The following COL22A1 variants were observed in gnomAD, a reference collection of about 807,000 sequenced individuals.
COL22A1 encodes the protein collagen type XXII alpha 1 chain.
COL22A1 carries 221 observed loss-of-function variants against 248.9 expected under a neutral mutation model. That is an observed-to-expected ratio of 0.89 (90% CI 0.80 to 0.99). COL22A1 has a LOEUF of 0.99. COL22A1 is among the 50% of genes least tolerant of loss of function. The probability of loss-of-function intolerance (pLI) is 0.00; values close to 1 mark genes in which losing one functional copy is unlikely to be tolerated. For synonymous variants in COL22A1, 891 were observed against 793.4 expected (o/e 1.12, Z -2.07); for missense variants, 2,240 against 2,179.0 (o/e 1.03, Z -0.56).
intron 12 of COL22A1, among the ~76,000 whole-genome samples, chr8:138,793,263 AC>A (rs1393490680): frequency 6.6e-6 from 1 of 152,152 alleles, no homozygotes; most frequent in Non-Finnish European, 1.5e-5. Flanking sequence ...TGCATGAGTC[AC>A]GAGTGGCCTT....
At chr8:138,847,737 G>A (rs531448098) in intron 3 of COL22A1, among the ~76,000 whole-genome samples, 1 of 151,656 alleles carries the variant, frequency 6.6e-6, no homozygotes, top group Non-Finnish European at 1.5e-5. Flanking sequence ...TTGGGGGACT[G>A]TCTAGGAGAA....
At chr8:138,715,606 C>G in intron 30 of COL22A1, 76 bp downstream of exon 30, 3 of 758,286 alleles carry the variant, frequency 4.0e-6, no homozygotes, top group Non-Finnish European at 4.4e-6. Flanking sequence ...AGAGTATATT[C>G]TGCAGAAAAT....
intron 41 of COL22A1, among the ~76,000 whole-genome samples, chr8:138,670,961 A>AG (rs1824972883): frequency 1.3e-4 from 1 of 7,510 alleles, no homozygotes; most frequent in South Asian, 2.9e-3. Context: ...ACCTTGTCTC[A>AG]AAAAAAAAAA....
At chr8:138,781,526 G>A (rs574272921) in intron 12 of COL22A1, among the ~76,000 whole-genome samples, 118 of 152,286 alleles carry the variant, frequency 7.7e-4, no homozygotes, top group Non-Finnish European at 1.4e-3. Context: ...GCTAGAAAAG[G>A]TATTCAACTT....
chr8:138,628,556 T>A (rs1455310543), intron 50 of COL22A1, among the ~76,000 whole-genome samples: 1 of 152,130 alleles, frequency 6.6e-6, no homozygotes, highest in Non-Finnish European at 1.5e-5. Flanking sequence ...AAAAAAAAAT[T>A]ACTTCTATTT....
chr8:138,768,408 C>T (rs1370004011), intron 16 of COL22A1, among the ~76,000 whole-genome samples: 2 of 152,192 alleles, frequency 1.3e-5, no homozygotes, highest in Admixed American at 6.5e-5. Context: ...CTCCTCTCCG[C>T]CAACCAACAT....
At chr8:138,665,365 T>A (rs1441077188) in intron 41 of COL22A1, among the ~76,000 whole-genome samples, 1 of 152,162 alleles carries the variant, frequency 6.6e-6, no homozygotes, top group Non-Finnish European at 1.5e-5. Flanking sequence ...TCCACAGGCT[T>A]TTTCTGTAAA....
chr8:138,703,167 G>T, intron 31 of COL22A1, 139 bp downstream of exon 31: 1 of 715,000 alleles, frequency 1.4e-6, no homozygotes. Context: ...TGGTTTGTAG[G>T]ACCTAGGAAT....
At chr8:138,618,773 T>A (rs1298507092) in intron 53 of COL22A1, among the ~76,000 whole-genome samples, 1 of 152,144 alleles carries the variant, frequency 6.6e-6, no homozygotes, top group Non-Finnish European at 1.5e-5. Context: ...ATTTAAGAAA[T>A]TGTGAAAACA....
At chr8:138,698,591 C>T (rs568086118) in intron 32 of COL22A1, among the ~76,000 whole-genome samples, 2 of 152,160 alleles carry the variant, frequency 1.3e-5, no homozygotes, top group South Asian at 4.1e-4. Flanking sequence ...AGCGACAGCC[C>T]TACAGGTGAG....
rs1310554507 is a variant in COL22A1, at chr8:138,694,466, T to C, written c.2700+42A>G. 3 of 1,597,004 alleles carry C rather than the reference T, an allele frequency of 1.9e-6. No individual in the cohort carries two copies. In the Admixed American group the frequency reaches 5.0e-5, roughly 27 times the overall value. On this transcript the variant is annotated intron_variant, in intron 34 of 64. Transcript: ENST00000303045. ...GGAGCGAGAGAGTGTGGCTGGGATC[T>C]CCAAGTCTCTGAGCCAGCAGGGGAA...
At chr8:138,865,375 T>G (rs1822781765) in intron 3 of COL22A1, among the ~76,000 whole-genome samples, 1 of 152,152 alleles carries the variant, frequency 6.6e-6, no homozygotes, top group Non-Finnish European at 1.5e-5. Context: ...TATGTTTGTA[T>G]GCCTGTGTGT....
At chr8:138,619,381 C>T (rs779978194) in intron 53 of COL22A1, 74 bp downstream of exon 53, 13 of 1,395,516 alleles carry the variant, frequency 9.3e-6, no homozygotes, top group Non-Finnish European at 1.3e-5. Flanking sequence ...CTGGGCTAGC[C>T]CTGCTCACAG....
intron 47 of COL22A1, among the ~76,000 whole-genome samples, chr8:138,642,474 C>A (rs1294776908): frequency 6.6e-6 from 1 of 152,184 alleles, no homozygotes; most frequent in Non-Finnish European, 1.5e-5. Flanking sequence ...AGTCACCATC[C>A]GCTCCTAAAT....
chr8:138,775,979 G>A lies in COL22A1; in HGVS notation c.1790C>T (p.Thr597Ile), dbSNP rs1417284657. Residue 597 changes from threonine (T) to isoleucine (I), a missense_variant, in exon 16 of 65, where the codon ACT (threonine) becomes ATT (isoleucine). Physicochemically the swap from Thr to Ile is moderately conservative, Grantham distance 89 (BLOSUM62 -1). Coordinates refer to ENST00000303045, the MANE Select transcript of COL22A1 (RefSeq NM_152888.3). ...GACTATAAATACCTTTTCTCCTCGAGTTCCCTTTTCACCTCGTTCTCCTTG... is the reference window on the plus strand; with the variant it reads ...GACTATAAATACCTTTTCTCCTCGAATTCCCTTTTCACCTCGTTCTCCTTG... ...GLQGERGEKG[T>I]RGEKGERGLD... The A allele has an allele frequency of 1.2e-6, 2 of 1,613,464 alleles. No homozygotes were observed. Among genetic ancestry groups the A allele is most frequent in the Non-Finnish European group, 1.7e-6 (2 of 1,179,874 alleles).
At chr8:138,765,730 C>T (rs1833861691) in intron 16 of COL22A1, among the ~76,000 whole-genome samples, 1 of 152,232 alleles carries the variant, frequency 6.6e-6, no homozygotes, top group African/African-American at 2.4e-5. Flanking sequence ...CCAAAGCTGT[C>T]TGTCTTGCAG....
intron 42 of COL22A1, 87 bp downstream of exon 42, chr8:138,663,617 GT>G: frequency 2.0e-6 from 2 of 1,007,334 alleles, no homozygotes; most frequent in Non-Finnish European, 1.6e-6. Context: ...ATCTACTTCA[GT>G]TTTTGGTGCT....
chr8:138,606,993 T>A (rs1248539814), intron 57 of COL22A1, among the ~76,000 whole-genome samples: 1 of 152,148 alleles, frequency 6.6e-6, no homozygotes, highest in Non-Finnish European at 1.5e-5. Context: ...ACAGGTCCCA[T>A]ACCACAGCCC....
rs376178109 is a variant in COL22A1 at position 138,602,112 on chromosome 8, C to T, written c.4185+3G>A. On this transcript the variant is annotated splice_donor_region_variant and intron_variant, in intron 60 of 64. Transcript: ENST00000303045. ...GTTCAAGGTGCCTGTGCTCTCCACT[C>T]ACCCTTTCTCCTTTGAATCCAGGCT... The T allele has an allele frequency of 4.3e-6, 7 of 1,614,130 alleles. No homozygotes were observed. The East Asian group carries it at 1.6e-4, about 36-fold the overall frequency.
Sources: gnomAD v4.1 joint callset for allele counts (sites outside exome capture counted in the v4.1 genomes callset) on GRCh38, gnomAD v4.1.1 for gene constraint, MANE v1.5 for transcripts, NCBI Gene and HGNC (gene_info 2026-07-23, HGNC 2026-07-21) for gene names.